MRPS27: variants seen among roughly 807,000 people sequenced by gnomAD.
The protein encoded by MRPS27 is mitochondrial ribosomal protein S27.
A neutral mutation model predicts 48.9 loss-of-function variants in MRPS27; 43 were observed. That is an observed-to-expected ratio of 0.88 (90% confidence interval 0.69 to 1.13). MRPS27 has a LOEUF of 1.13. Ranked by LOEUF, MRPS27 falls within the 50% of genes most tolerant of loss-of-function variation. The pLI, the probability that MRPS27 is intolerant of heterozygous loss-of-function variation, is 0.00. For synonymous variants in MRPS27, 188 were observed against 171.9 expected (o/e 1.09, Z -0.73); for missense variants, 467 against 476.3 (o/e 0.98, Z 0.18).
intron 2 of MRPS27, among the ~76,000 whole-genome samples, chr5:72,300,056 TAA>T (rs1750087616): frequency 1.3e-5 from 2 of 152,198 alleles, no homozygotes; most frequent in African/African-American, 4.8e-5. Context: ...GCAAGACTGC[TAA>T]AAAGAGTCAT....
At position 72,314,170 on chromosome 5, in the gene MRPS27, G is replaced by T. The variant is rs1316113785; in HGVS notation, c.74-12C>A. 1 of 1,602,186 alleles carries T rather than the reference G, an allele frequency of 6.2e-7. No homozygotes were observed. The highest frequency in any genetic ancestry group is 8.5e-7 in the Non-Finnish European group (1 of 1,170,522). On this transcript the variant is annotated splice_polypyrimidine_tract_variant and intron_variant, in intron 1 of 10. Coordinates refer to ENST00000261413, the MANE Select transcript of MRPS27 (RefSeq NM_015084.3). ...CAGGTATCTTTTACCTGAGAAAATA[G>T]GCAATTATTTCAACACACATGGTTT... is the stretch of plus-strand genomic sequence containing the variant.
At chr5:72,224,903 G>A (rs143598405) in intron 9 of MRPS27, among the ~76,000 whole-genome samples, 3 of 152,236 alleles carry the variant, frequency 2.0e-5, no homozygotes, top group South Asian at 4.2e-4. Context: ...TACCTGAAAC[G>A]AATTAATCCT....
intron 4 of MRPS27, among the ~76,000 whole-genome samples, chr5:72,270,562 C>T (rs1192248386): frequency 6.6e-6 from 1 of 151,906 alleles, no homozygotes; most frequent in Non-Finnish European, 1.5e-5. Flanking sequence ...AACTCCAGGC[C>T]CAGATAATAC....
chr5:72,284,025 A>T (rs1749599879), intron 4 of MRPS27, among the ~76,000 whole-genome samples: 1 of 152,196 alleles, frequency 6.6e-6, no homozygotes, highest in African/African-American at 2.4e-5. Context: ...TTTTAATAAA[A>T]AATTTACCCT....
At chr5:72,284,764 A>G (rs1580098189) in intron 4 of MRPS27, among the ~76,000 whole-genome samples, 1 of 152,318 alleles carries the variant, frequency 6.6e-6, no homozygotes, top group East Asian at 1.9e-4. Context: ...ATCACACACT[A>G]AGTCCTACTC....
At chr5:72,249,797 C>T (rs779901835) in intron 4 of MRPS27, among the ~76,000 whole-genome samples, 3 of 151,170 alleles carry the variant, frequency 2.0e-5, no homozygotes, top group East Asian at 2.0e-4. Flanking sequence ...CTGGCTAACA[C>T]GGTGAAACCC....
intron 4 of MRPS27, 66 bp from the exon 5 acceptor site, chr5:72,238,194 G>A (rs1230168207): frequency 7.7e-6 from 8 of 1,042,346 alleles, no homozygotes; most frequent in African/African-American, 3.1e-5. Context: ...ATCTTCCATC[G>A]ATAGGTCCTT....
At chr5:72,296,936 A>G (rs1383504204) in intron 3 of MRPS27, among the ~76,000 whole-genome samples, 1 of 152,206 alleles carries the variant, frequency 6.6e-6, no homozygotes, top group Non-Finnish European at 1.5e-5. Flanking sequence ...GCCCAATGTC[A>G]TGAAGTGAAT....
chr5:72,223,899 G>T, intron 9 of MRPS27, 49 bp from the exon 10 acceptor site: 2 of 1,587,798 alleles, frequency 1.3e-6, no homozygotes, highest in Non-Finnish European at 1.7e-6. Context: ...TGGCCCAAAA[G>T]CACATGGTGA....
At chr5:72,311,393 AAGT>A (rs1182184701) in intron 2 of MRPS27, among the ~76,000 whole-genome samples, 2 of 152,236 alleles carry the variant, frequency 1.3e-5, no homozygotes, top group African/African-American at 4.8e-5. Flanking sequence ...ACATGAGTAA[AAGT>A]AGCGCTGTGG....
At chr5:72,272,361 T>C (rs567542256) in intron 4 of MRPS27, among the ~76,000 whole-genome samples, 1 of 152,248 alleles carries the variant, frequency 6.6e-6, no homozygotes, top group African/African-American at 2.4e-5. Flanking sequence ...TAGCTCATTG[T>C]GCATAAACTG....
At position 72,291,324 on chromosome 5, in the gene MRPS27, C is replaced by T. The variant is rs1258827; in HGVS notation, c.281+4207G>A. On this transcript the variant is annotated intron_variant, in intron 4 of 10. Coordinates refer to ENST00000261413, the MANE Select transcript of MRPS27 (RefSeq NM_015084.3). ...CAAACAAGATCTCACAGCAGGGTTC[C>T]TAACAATTTTTTGTCTTGAACCCTC... Among the ~76,000 whole-genome samples the T allele has an allele frequency of 1.3e-3, 195 of 152,238 alleles. 3 individuals carry two copies. The highest frequency in any genetic ancestry group is 1.9e-3 in the Non-Finnish European group (130 of 67,990).
chr5:72,312,414 G>A (rs1367296493), intron 2 of MRPS27, among the ~76,000 whole-genome samples: 3 of 151,874 alleles, frequency 2.0e-5, no homozygotes, highest in African/African-American at 7.3e-5. Context: ...GCCACTCCTG[G>A]TATTTGAATT....
intron 8 of MRPS27, chr5:72,227,431 AAGAATAACAC>A (rs1171605183): frequency 6.6e-6 from 1 of 152,204 alleles, no homozygotes; most frequent in African/African-American, 2.4e-5. Context: ...AATCAGCACC[AAGAATAACAC>A]ACTACATTCT....
intron 4 of MRPS27, among the ~76,000 whole-genome samples, chr5:72,281,741 T>C (rs914876677): frequency 6.6e-6 from 1 of 152,224 alleles, no homozygotes; most frequent in African/African-American, 2.4e-5. Flanking sequence ...TACCTGCTAT[T>C]ATTCAGCAAA....
At chr5:72,315,707 A>G (rs985787824) in intron 1 of MRPS27, among the ~76,000 whole-genome samples, 1 of 152,212 alleles carries the variant, frequency 6.6e-6, no homozygotes, top group African/African-American at 2.4e-5. Flanking sequence ...TACAATGACC[A>G]CCATCAAAAA....
chr5:72,243,993 A>T (rs1166782539), intron 4 of MRPS27, among the ~76,000 whole-genome samples: 1 of 152,164 alleles, frequency 6.6e-6, no homozygotes, highest in Non-Finnish European at 1.5e-5. Context: ...GTCCCTTTCC[A>T]GATCTAGAGT....
intron 2 of MRPS27, 24 bp from the exon 3 acceptor site, chr5:72,297,726 A>G (rs116810714): frequency 0.019 from 28,748 of 1,481,830 alleles, 344 homozygotes; most frequent in Non-Finnish European, 0.023. Flanking sequence ...AAAAGAAAAA[A>G]AACCTTGTTA....
chr5:72,301,245 T>C (rs888654979), intron 2 of MRPS27, among the ~76,000 whole-genome samples: 1 of 152,220 alleles, frequency 6.6e-6, no homozygotes, highest in Non-Finnish European at 1.5e-5. Flanking sequence ...AGCAATTAGC[T>C]TTTCTTATGA....
Sources: gnomAD v4.1 joint callset for allele counts (sites outside exome capture counted in the v4.1 genomes callset) on GRCh38, gnomAD v4.1.1 for gene constraint, MANE v1.5 for transcripts, NCBI Gene and HGNC (gene_info 2026-07-23, HGNC 2026-07-21) for gene names.